Variants in NOP58 observed in about 807,000 individuals in gnomAD.
NOP58 encodes NOP58 ribonucleoprotein.
In NOP58, 44 loss-of-function variants were observed where a neutral mutation model predicts 71.2. The ratio of observed to expected loss-of-function variants is 0.62; its 90% CI spans 0.49 to 0.79. The LOEUF is 0.79. Ranked by LOEUF, NOP58 falls within the 30% of genes least tolerant of loss-of-function variation. The pLI is 0.00. For synonymous variants in NOP58, 228 were observed against 200.3 expected (o/e 1.14, Z -1.17); for missense variants, 538 against 620.2 (o/e 0.87, Z 1.41).
At chr2:202,266,086 CCTGTTATAGCCCGGGCT>C in intron 1 of NOP58, 100 bp downstream of exon 1, 1 of 1,350,946 alleles carries the variant, frequency 7.4e-7, no homozygotes, top group Non-Finnish European at 1.1e-6. Context: ...AGCGTGGGTG[CCTGTTATAGCCCGGGCT>C]CTGGGAGGAG....
At chr2:202,266,045 G>A (rs1688408662) in intron 1 of NOP58, 59 bp downstream of exon 1, 1 of 1,589,208 alleles carries the variant, frequency 6.3e-7, no homozygotes, top group Admixed American at 1.7e-5. Flanking sequence ...ACGAGGAGAG[G>A]GAAAGACTTA....
Position 202,284,373 on chromosome 2 carries a change from G to A in NOP58, c.326G>A (p.Ser109Asn). ...KEKLNLSCIH[S>N]PVVNELMRGI... ...AAGCTGAATCTCAGTTGTATCCATA[G>A]TCCTGTTGTTAATGAACTTATGAGA... The change falls in exon 5 of 15, where the codon AGT (serine) becomes AAT (asparagine). Residue 109 changes from serine (S) to asparagine (N), a missense_variant. Physicochemically the swap from Ser to Asn is conservative, Grantham distance 46. Coordinates refer to ENST00000264279, the MANE Select transcript of NOP58 (RefSeq NM_015934.5). 1 of 1,612,588 alleles carries A rather than the reference G, an allele frequency of 6.2e-7. No individual in the cohort carries two copies. The highest frequency in any genetic ancestry group is 8.5e-7 in the Non-Finnish European group (1 of 1,178,908).
At chr2:202,303,255 T>C in intron 14 of NOP58, 131 bp from the exon 15 acceptor site, 1 of 1,408,406 alleles carries the variant, frequency 7.1e-7, no homozygotes, top group Non-Finnish European at 9.6e-7. Context: ...AAAAATCAAG[T>C]TTGCATTGAG....
chr2:202,277,176 A>G (rs1688613694), intron 2 of NOP58, among the ~76,000 whole-genome samples: 1 of 152,124 alleles, frequency 6.6e-6, no homozygotes, highest in African/African-American at 2.4e-5. Context: ...AGTCCCAGCT[A>G]CTTGGGAGGC....
chr2:202,268,867 CA>C (rs1201232615), intron 1 of NOP58, among the ~76,000 whole-genome samples: 3 of 152,228 alleles, frequency 2.0e-5, no homozygotes, highest in Admixed American at 6.5e-5. Flanking sequence ...CTCAGCCTCC[CA>C]AAGTGCTGGG....
chr2:202,300,370 T>G lies in NOP58; in HGVS notation c.1402+3T>G. On this transcript the variant is annotated splice_donor_region_variant and intron_variant, in intron 13 of 14. Coordinates refer to ENST00000264279, the MANE Select transcript of NOP58 (RefSeq NM_015934.5). Reference sequence around the variant, plus strand: ...AAAAGCCAAGATTAAAGTTAAAGGTTAGTTTGAATTTTTTTTTTAACACAA... The same window carrying G: ...AAAAGCCAAGATTAAAGTTAAAGGTGAGTTTGAATTTTTTTTTTAACACAA... 1 of 1,577,028 alleles carries G rather than the reference T, an allele frequency of 6.3e-7. No individual in the cohort carries two copies. Among genetic ancestry groups the G allele is most frequent in the Non-Finnish European group, 8.6e-7 (1 of 1,168,604 alleles).
chr2:202,297,860 G>A lies in NOP58; in HGVS notation c.1222G>A (p.Gly408Arg). The change falls in exon 12 of 15, where the codon GGA becomes AGA. Residue 408 changes from glycine (G) to arginine (R), a missense_variant. By Grantham distance (125) the Gly-to-Arg change is moderately radical (BLOSUM62 -2). Transcript: ENST00000264279. ...TTCTTCTTAGATAAGAAAAATAAGTGGAACAGGAAAAGCATTAGCAAAAAC... is the reference window on the plus strand; with the variant it reads ...TTCTTCTTAGATAAGAAAAATAAGTAGAACAGGAAAAGCATTAGCAAAAAC... ...LEDRGIRKIS[G>R]TGKALAKTEK... 6.3e-7 allele frequency: 1 copy of A among 1,577,668 alleles called. No homozygotes were observed. The highest frequency in any genetic ancestry group is 1.2e-5 in the South Asian group (1 of 85,906).
chr2:202,297,187 G>A lies in NOP58; in HGVS notation c.1072-192G>A, dbSNP rs528384952. ...GAGCTAATATTTGACATGAATTGCT[G>A]TAAAATCTTTTCAGCCACAGAAGTG... On this transcript the variant is annotated intron_variant, in intron 10 of 14. Coordinates refer to ENST00000264279, the MANE Select transcript of NOP58 (RefSeq NM_015934.5). 6.2e-4 allele frequency among the ~76,000 whole-genome samples: 94 copies of A among 152,310 alleles called. 1 individual carries two copies. The highest frequency in any genetic ancestry group is 2.1e-3 in the African/African-American group (86 of 41,570).
At chr2:202,288,635 G>GA (rs1688832030) in intron 6 of NOP58, among the ~76,000 whole-genome samples, 1 of 151,848 alleles carries the variant, frequency 6.6e-6, no homozygotes, top group African/African-American at 2.4e-5. Flanking sequence ...CCAACATGGT[G>GA]AAACCCGATC....
Position 202,267,738 on chromosome 2 carries a change from G to C in NOP58, c.45+1752G>C, listed in dbSNP as rs138922442. 3.3e-5 allele frequency among the ~76,000 whole-genome samples: 5 copies of C among 152,232 alleles called. No individual in the cohort carries two copies. The East Asian group carries it at 9.6e-4, about 29-fold the overall frequency. On this transcript the variant is annotated intron_variant, in intron 1 of 14. Transcript: ENST00000264279. Reference sequence around the variant, plus strand: ...AGTGCACTGGTTGTCTCCCATGGTAGGAAGGAATTGGCTTATCAATGGTCG... The same window carrying C: ...AGTGCACTGGTTGTCTCCCATGGTACGAAGGAATTGGCTTATCAATGGTCG...
chr2:202,281,405 T>C, intron 3 of NOP58, among the ~76,000 whole-genome samples: 1 of 152,030 alleles, frequency 6.6e-6, no homozygotes, highest in East Asian at 1.9e-4. Context: ...GATTACAGAC[T>C]TGAGCCACCA....
chr2:202,287,885 C>T (rs970420557), intron 6 of NOP58, among the ~76,000 whole-genome samples, 161 bp downstream of exon 6: 4 of 151,502 alleles, frequency 2.6e-5, no homozygotes, highest in African/African-American at 9.7e-5. Context: ...CTGAGGCAGG[C>T]GGATCACCTG....
chr2:202,289,166 A>G (rs1469145032), intron 6 of NOP58, among the ~76,000 whole-genome samples: 1 of 152,136 alleles, frequency 6.6e-6, no homozygotes, highest in Non-Finnish European at 1.5e-5. Context: ...CCTTTCCTAG[A>G]TTTATACCCA....
Position 202,302,962 on chromosome 2 carries a change from A to G in NOP58, c.1444A>G (p.Thr482Ala), listed in dbSNP as rs1689117986. The G allele has an allele frequency of 6.2e-7, 1 of 1,608,632 alleles. No homozygotes were observed. ...EEEKVAEEEETSVKKKKKRGK... is the reference protein window; with the variant it reads ...EEEKVAEEEEASVKKKKKRGK... ...AGAAAAAGTGGCAGAAGAAGAAGAA[A>G]CATCTGTGAAGAAGAAGAAGAAAAG... The change falls in exon 14 of 15, where the codon ACA (threonine) becomes GCA (alanine). Residue 482 changes from threonine (T) to alanine (A), a missense_variant. Transcript: ENST00000264279.
chr2:202,297,660 G>T, intron 11 of NOP58, 147 bp downstream of exon 11: 1 of 910,802 alleles, frequency 1.1e-6, no homozygotes, highest in South Asian at 1.8e-5. Flanking sequence ...GTTAACAATT[G>T]CTATTATTTA....
At chr2:202,285,400 G>GTCTCACTCTGT (rs1688771063) in intron 5 of NOP58, among the ~76,000 whole-genome samples, 1 of 147,704 alleles carries the variant, frequency 6.8e-6, no homozygotes, top group Admixed American at 6.8e-5. Flanking sequence ...TCAGGCTGGG[G>GTCTCACTCTGT]TGCAGTGGTG....
chr2:202,287,806 C>A (rs1016528578), intron 6 of NOP58, 82 bp downstream of exon 6: 2 of 1,114,584 alleles, frequency 1.8e-6, no homozygotes, highest in Non-Finnish European at 1.4e-6. Context: ...TTTTATGATT[C>A]TGTCTGTTGA....
chr2:202,268,562 A>G (rs570951153), intron 1 of NOP58, among the ~76,000 whole-genome samples: 15 of 151,648 alleles, frequency 9.9e-5, no homozygotes, highest in Non-Finnish European at 1.8e-4. Context: ...TTGGATGCAT[A>G]TAATTCATGC....
At chr2:202,297,989 C>T (rs1170555912) in intron 12 of NOP58, 83 bp downstream of exon 12, 3 of 782,742 alleles carry the variant, frequency 3.8e-6, no homozygotes, top group Non-Finnish European at 4.0e-6. Context: ...TAAACTTCAC[C>T]TTGATGTGCC....
Sources: allele counts gnomAD v4.1 joint callset (sites outside exome capture counted in the v4.1 genomes callset), GRCh38; gene constraint gnomAD v4.1.1; transcripts MANE v1.5; gene names NCBI Gene and HGNC (gene_info 2026-07-23, HGNC 2026-07-21).